The following RORA variants were observed in gnomAD, a reference collection of about 807,000 sequenced individuals.
RORA encodes nuclear receptor ROR-alpha.
A neutral mutation model predicts 69.5 loss-of-function variants in RORA; 7 were observed. The observed-to-expected ratio is 0.10, with a 90% CI of 0.06 to 0.19. RORA has a LOEUF of 0.19. RORA is among the 10% of genes least tolerant of loss of function. RORA has a pLI of 1.00. For missense variants in RORA, 457 were observed against 663.0 expected (o/e 0.69, Z 3.41); for synonymous variants, 261 against 240.8 (o/e 1.08, Z -0.78).
chr15:60,938,842 T>C (rs1443591451), intron 1 of RORA, among the ~76,000 whole-genome samples: 2 of 152,356 alleles, frequency 1.3e-5, no homozygotes, highest in Middle Eastern at 3.4e-3. Context: ...ATTGCTTCTT[T>C]TCTTTCGGCT....
At chr15:61,168,146 A>C (rs572972231) in intron 1 of RORA, among the ~76,000 whole-genome samples, 1 of 150,320 alleles carries the variant, frequency 6.7e-6, no homozygotes, top group Admixed American at 6.7e-5. Context: ...ATATACACAT[A>C]TATACATACA....
At chr15:60,815,369 T>C (rs918636827) in intron 1 of RORA, among the ~76,000 whole-genome samples, 4 of 152,182 alleles carry the variant, frequency 2.6e-5, no homozygotes, top group African/African-American at 9.6e-5. Context: ...CTGGTGATTA[T>C]GGTTTGTCTT....
intron 1 of RORA, among the ~76,000 whole-genome samples, chr15:60,752,128 T>C (rs1025369346): frequency 3.3e-5 from 5 of 151,194 alleles, no homozygotes; most frequent in African/African-American, 1.2e-4. Flanking sequence ...TGGGCTAGTA[T>C]GGGAAAGAAT....
In RORA at chr15:60,914,660, G is replaced by A. The variant is rs192982988; in HGVS notation, c.167-235974C>T. On this transcript the variant is annotated intron_variant, in intron 1 of 10. Transcript: ENST00000335670. ...CTGTGCACTAAAACCACAGTGTCCC[G>A]GAATAAATTTTCTATTGAACATCTC... Among the ~76,000 whole-genome samples the A allele has an allele frequency of 2.9e-4, 44 of 152,136 alleles. 1 individual carries two copies. Among genetic ancestry groups the A allele is most frequent in the Admixed American group, 1.3e-3 (20 of 15,278 alleles).
chr15:60,543,589 C>T lies in RORA; in HGVS notation c.197-11738G>A, dbSNP rs1213959858. On this transcript the variant is annotated intron_variant, in intron 2 of 10. Coordinates refer to ENST00000335670, the MANE Select transcript of RORA (RefSeq NM_134261.3). ...CACTTCCTGGCCTGAAGCAATCCTA[C>T]CACCTCAGCCTCCTGAGTAGCTGGG... 2.6e-5 allele frequency among the ~76,000 whole-genome samples: 4 copies of T among 152,134 alleles called. No individual in the cohort carries two copies. The East Asian group carries it at 7.7e-4, about 29-fold the overall frequency.
At chr15:60,883,146 A>AAG (rs1567224602) in intron 1 of RORA, among the ~76,000 whole-genome samples, 2 of 84,170 alleles carry the variant, frequency 2.4e-5, no homozygotes, top group Non-Finnish European at 5.1e-5. Flanking sequence ...AAAAAAAAAA[A>AAG]AAAAAGAAAG....
chr15:61,043,243 C>T (rs1231449473), intron 1 of RORA, among the ~76,000 whole-genome samples: 4 of 152,188 alleles, frequency 2.6e-5, no homozygotes, highest in Non-Finnish European at 4.4e-5. Context: ...AGAGCTAACA[C>T]TCTAACCCAC....
chr15:60,879,757 G>T (rs2140445504), intron 1 of RORA, among the ~76,000 whole-genome samples: 1 of 152,130 alleles, frequency 6.6e-6, no homozygotes, highest in East Asian at 1.9e-4. Context: ...TTAGGGTCAG[G>T]GTTCTGGAAA....
At chr15:61,072,768 A>G (rs1026100131) in intron 1 of RORA, among the ~76,000 whole-genome samples, 3 of 152,246 alleles carry the variant, frequency 2.0e-5, no homozygotes, top group Non-Finnish European at 2.9e-5. Flanking sequence ...ATCTGAGGCT[A>G]CCATATGACC....
At chr15:60,554,402 A>C (rs1222821065) in intron 2 of RORA, among the ~76,000 whole-genome samples, 1 of 152,166 alleles carries the variant, frequency 6.6e-6, no homozygotes, top group Non-Finnish European at 1.5e-5. Flanking sequence ...TATTTTTGGC[A>C]CTAAAAAAAA....
chr15:60,500,012 TA>T lies in RORA; in HGVS notation c.1295-9del, dbSNP rs769438683. ...CTTGCAGCCATGAGCGATCTAAGCA[TA>T]AAAAAATGATATTCTTTAGCATTCC... On this transcript the variant is annotated splice_polypyrimidine_tract_variant and intron_variant, in intron 9 of 10. Coordinates refer to ENST00000335670, the MANE Select transcript of RORA (RefSeq NM_134261.3). 3.2e-6 allele frequency: 5 copies of T among 1,561,510 alleles called. No individual in the cohort carries two copies. Among genetic ancestry groups the T allele is most frequent in the East Asian group, 2.2e-5 (1 of 44,454 alleles).
chr15:60,763,065 ATTT>A (rs374433414), intron 1 of RORA, among the ~76,000 whole-genome samples: 601 of 48,344 alleles, frequency 0.012, 5 homozygotes, highest in East Asian at 0.055. Context: ...ATATGCACAG[ATTT>A]TTTTTTTTTT....
chr15:60,497,411 A>G lies in RORA; in HGVS notation c.*44T>C, dbSNP rs771956312. On this transcript the variant is annotated 3_prime_UTR_variant, in exon 11 of 11. Transcript: ENST00000335670. ...CGGTTAATTTTTTTGTTTGTTTTTCATGTTTGTACTTCAGACATTCTAGAA... is the reference window on the plus strand; with the variant it reads ...CGGTTAATTTTTTTGTTTGTTTTTCGTGTTTGTACTTCAGACATTCTAGAA... 2 of 1,581,758 alleles carry G rather than the reference A, an allele frequency of 1.3e-6. No homozygotes were observed. Among genetic ancestry groups the G allele is most frequent in the South Asian group, 1.1e-5 (1 of 89,894 alleles).
chr15:60,981,043 T>C (rs1894029965), intron 1 of RORA, among the ~76,000 whole-genome samples: 1 of 151,990 alleles, frequency 6.6e-6, no homozygotes, highest in Non-Finnish European at 1.5e-5. Flanking sequence ...GTTTCTTAAC[T>C]TCTCATTCAC....
intron 1 of RORA, among the ~76,000 whole-genome samples, chr15:60,998,509 T>C (rs1346172101): frequency 6.6e-6 from 1 of 152,072 alleles, no homozygotes; most frequent in East Asian, 1.9e-4. Context: ...GCAATTCTCC[T>C]GCCTCAGCCT....
chr15:60,942,749 T>TA (rs1246914640), intron 1 of RORA, among the ~76,000 whole-genome samples: 4 of 152,254 alleles, frequency 2.6e-5, no homozygotes, highest in Non-Finnish European at 5.9e-5. Context: ...CTTTAATCTT[T>TA]AGGTTTATGT....
intron 2 of RORA, among the ~76,000 whole-genome samples, chr15:60,676,126 T>C (rs184272491): frequency 1.1e-4 from 17 of 152,170 alleles, no homozygotes; most frequent in African/African-American, 3.4e-4. Context: ...AAAAAACGTA[T>C]AGGCAAGTTA....
At chr15:60,640,350 G>A (rs1026877438) in intron 2 of RORA, among the ~76,000 whole-genome samples, 6 of 152,182 alleles carry the variant, frequency 3.9e-5, no homozygotes, top group African/African-American at 1.4e-4. Flanking sequence ...TTGCTGCCAT[G>A]TCAGTCCAAC....
intron 2 of RORA, among the ~76,000 whole-genome samples, chr15:60,629,845 G>A (rs2069693478): frequency 6.6e-6 from 1 of 152,194 alleles, no homozygotes; most frequent in African/African-American, 2.4e-5. Flanking sequence ...CAAGGGAGGG[G>A]CAAGGGCTAT....
Sources: allele counts gnomAD v4.1 joint callset (sites outside exome capture counted in the v4.1 genomes callset), GRCh38; gene constraint gnomAD v4.1.1; transcripts MANE v1.5; gene names NCBI Gene and HGNC (gene_info 2026-07-23, HGNC 2026-07-21).